CCDC57: variants seen among roughly 807,000 people sequenced by gnomAD.
The protein encoded by CCDC57 is coiled-coil domain-containing protein 57.
In CCDC57, 118 loss-of-function variants were observed where a neutral mutation model predicts 118.9. The observed-to-expected ratio is 0.99, with a 90% CI of 0.86 to 1.16. The LOEUF (loss-of-function observed/expected upper bound fraction) is 1.16. CCDC57 is among the 50% of genes most tolerant of loss of function. CCDC57 has a pLI of 0.00. For synonymous variants in CCDC57, 527 were observed against 532.9 expected (o/e 0.99, Z 0.15); for missense variants, 1,300 against 1,320.7 (o/e 0.98, Z 0.24).
Position 82,127,338 on chromosome 17 carries a change from G to A in CCDC57, c.2899+354C>T, listed in dbSNP as rs561514636. The A allele has an allele frequency of 2.0e-5, 20 of 983,626 alleles. No individual in the cohort carries two copies. In the South Asian group the frequency reaches 3.8e-4, roughly 19 times the overall value. 60.9% of individuals were successfully genotyped at this position (983,626 alleles called of 1,614,324 possible). ...GTCTAAAGTGCACCAATGCCCACGC[G>A]TCTCACCTGGGCTCCATTCTAAGTC... On this transcript the variant is annotated intron_variant, in intron 19 of 19. Coordinates refer to ENST00000665763, the Ensembl canonical transcript of CCDC57.
intron 19 of CCDC57, among the ~76,000 whole-genome samples, chr17:82,125,866 G>A (rs1188813524): frequency 2.6e-5 from 4 of 152,118 alleles, no homozygotes; most frequent in African/African-American, 7.2e-5. Context: ...CGAACGAACC[G>A]TCCGGATATA....
chr17:82,201,945 G>T, exon 3 of CCDC57: 1 of 1,588,806 alleles, frequency 6.3e-7, no homozygotes. Context: ...GTGGCAGCAT[G>T]GTGGCCGCTG....
At chr17:82,106,891 C>G (rs531094452) in intron 19 of CCDC57, among the ~76,000 whole-genome samples, 202 of 152,312 alleles carry the variant, frequency 1.3e-3, no homozygotes, top group Non-Finnish European at 2.6e-3. Flanking sequence ...CCAGGTCTGC[C>G]AGGCCAGCTT....
At chr17:82,209,026 C>T (rs1187481859) in intron 1 of CCDC57, among the ~76,000 whole-genome samples, 1 of 152,154 alleles carries the variant, frequency 6.6e-6, no homozygotes, top group South Asian at 2.1e-4. Flanking sequence ...TGCACCCAGC[C>T]TCTCATCTAC....
At chr17:82,175,532 T>C (rs6416860) in intron 11 of CCDC57, 108,155 of 152,136 alleles carry the variant, frequency 0.71, 39,170 homozygotes, top group East Asian at 0.95. Flanking sequence ...TCATCAGAAA[T>C]TCAAAAGAAT....
intron 2 of CCDC57, among the ~76,000 whole-genome samples, chr17:82,206,729 C>G (rs1203123057): frequency 6.6e-6 from 1 of 152,208 alleles, no homozygotes; most frequent in Non-Finnish European, 1.5e-5. Context: ...GCTGTGGGAA[C>G]CCCAACTTGA....
chr17:82,132,491 G>A (rs1169458902), intron 17 of CCDC57, among the ~76,000 whole-genome samples: 1 of 152,064 alleles, frequency 6.6e-6, no homozygotes. Flanking sequence ...AATTAGCAAG[G>A]AACACACATA....
chr17:82,193,095 A>G (rs1009029651), intron 7 of CCDC57, among the ~76,000 whole-genome samples: 11 of 152,062 alleles, frequency 7.2e-5, no homozygotes, highest in Admixed American at 1.3e-4. Context: ...GTCTCATTCT[A>G]TGGCCCAGGC....
intron 15 of CCDC57, chr17:82,152,025 G>A (rs2042124263): frequency 5.9e-6 from 3 of 508,988 alleles, no homozygotes; most frequent in Non-Finnish European, 1.1e-5. Flanking sequence ...GATCTCCCAG[G>A]CCCTCACAGC....
intron 13 of CCDC57, among the ~76,000 whole-genome samples, chr17:82,167,898 G>A (rs2044202350): frequency 6.6e-6 from 1 of 152,372 alleles, no homozygotes; most frequent in South Asian, 2.1e-4. Flanking sequence ...TGACAGGCAT[G>A]AGCCACGGCG....
chr17:82,153,063 C>T (rs922502549), intron 15 of CCDC57, among the ~76,000 whole-genome samples: 3 of 152,202 alleles, frequency 2.0e-5, no homozygotes, highest in African/African-American at 4.8e-5. Context: ...CTCCAGTAAG[C>T]GGGCCTCATG....
At chr17:82,206,799 C>A (rs975245203) in intron 2 of CCDC57, among the ~76,000 whole-genome samples, 4 of 152,150 alleles carry the variant, frequency 2.6e-5, no homozygotes, top group Non-Finnish European at 5.9e-5. Flanking sequence ...CAGAAGCGGG[C>A]AGTCTTTGAA....
At position 82,150,907 on chromosome 17, in the gene CCDC57, T is replaced by A. The variant is rs1257472504; in HGVS notation, c.2455+653A>T. On this transcript the variant is annotated intron_variant, in intron 16 of 19. Transcript: ENST00000665763. ...CAGAACCTGACCCACACCCAGAACC[T>A]GACCCGCACCCAGAACCAGGCGCAC... Among the ~76,000 whole-genome samples, 20 of 27,466 alleles carry A rather than the reference T, an allele frequency of 7.3e-4. 2 individuals are homozygous for A. The highest frequency in any genetic ancestry group is 4.8e-3 in the Admixed American group (8 of 1,668). 18.0% of individuals were successfully genotyped at this position (27,466 alleles called of 152,430 possible).
chr17:82,183,939 A>G lies in CCDC57; in HGVS notation c.1053-7T>C, dbSNP rs781702173. 8 of 1,611,672 alleles carry G rather than the reference A, an allele frequency of 5.0e-6. No individual in the cohort carries two copies. The East Asian group carries it at 1.6e-4, about 31-fold the overall frequency. ...TGATGCATCTTCACGAAGTCTAAAC[A>G]TAGAAGGGAAACTATGTAGATGTGG... On this transcript the variant is annotated splice_region_variant and splice_polypyrimidine_tract_variant and intron_variant, in intron 8 of 19. Transcript: ENST00000665763.
At chr17:82,150,893 C>G (rs1219379119) in intron 16 of CCDC57, among the ~76,000 whole-genome samples, 12 of 38,848 alleles carry the variant, frequency 3.1e-4, no homozygotes, top group African/African-American at 3.6e-4. Flanking sequence ...AGAACCTGAC[C>G]CACACCCAGA....
intron 16 of CCDC57, 54 bp downstream of exon 15, chr17:82,151,506 C>A: frequency 2.0e-6 from 3 of 1,517,322 alleles, no homozygotes; most frequent in Non-Finnish European, 2.7e-6. Flanking sequence ...GAACCAGGTG[C>A]ACACCCAGAA....
Position 82,113,760 on chromosome 17 carries a change from C to A in CCDC57, c.2900-11894G>T, listed in dbSNP as rs781667566. On this transcript the variant is annotated intron_variant, in intron 19 of 19. Coordinates refer to ENST00000665763, the Ensembl canonical transcript of CCDC57. ...CCAGCCTGGGTGACATAGTGAGACC[C>A]CATTTCTACAAAAAAATAAAATAAC... The A allele has an allele frequency of 1.3e-5, 9 of 669,082 alleles. No homozygotes were observed. The South Asian group carries it at 1.4e-4, about 11-fold the overall frequency. 41.4% of individuals were successfully genotyped at this position (669,082 alleles called of 1,614,324 possible).
At chr17:82,126,703 G>A (rs968584677) in intron 19 of CCDC57, 8 of 985,322 alleles carry the variant, frequency 8.1e-6, no homozygotes, top group Middle Eastern at 5.2e-4. Flanking sequence ...CACGTGGCAC[G>A]CGGGCAGCCT....
At chr17:82,129,755 T>C (rs2038048326) in intron 17 of CCDC57, among the ~76,000 whole-genome samples, 1 of 152,028 alleles carries the variant, frequency 6.6e-6, no homozygotes, top group Non-Finnish European at 1.5e-5. Flanking sequence ...TATGGCACCA[T>C]TTACTATTAA....
Sources: allele counts gnomAD v4.1 joint callset (sites outside exome capture counted in the v4.1 genomes callset), GRCh38; gene constraint gnomAD v4.1.1; transcripts MANE v1.5; gene names NCBI Gene and HGNC (gene_info 2026-07-23, HGNC 2026-07-21).